Variants in PDE10A observed in about 807,000 individuals in gnomAD.
PDE10A encodes phosphodiesterase 10A, also known as cAMP and cAMP-inhibited cGMP 3',5'-cyclic phosphodiesterase 10A.
Under a neutral mutation model 97.7 loss-of-function variants are expected in PDE10A, and 39 were observed. The observed-to-expected ratio is 0.40, with a 90% confidence interval of 0.31 to 0.52. The LOEUF (loss-of-function observed/expected upper bound fraction) is 0.52, where lower values mean the gene tolerates loss of function less well. PDE10A is among the 20% of genes least tolerant of loss of function. PDE10A has a pLI of 0.56. For missense variants in PDE10A, 731 were observed against 1,047.8 expected (o/e 0.70, Z 4.17); for synonymous variants, 371 against 376.8 (o/e 0.98, Z 0.18).
chr6:165,877,913 G>A (rs1781387168), intron 1 of PDE10A, among the ~76,000 whole-genome samples: 1 of 152,174 alleles, frequency 6.6e-6, no homozygotes, highest in Non-Finnish European at 1.5e-5. Context: ...GAGAGACTAA[G>A]TAATTTTCCT....
intron 2 of PDE10A, among the ~76,000 whole-genome samples, chr6:165,501,397 T>C (rs967545272): frequency 8.6e-5 from 13 of 151,938 alleles, no homozygotes; most frequent in Non-Finnish European, 1.3e-4. Flanking sequence ...CCGTCTCTAC[T>C]AAAAATACAA....
At chr6:165,373,941 T>C (rs533508219) in intron 18 of PDE10A, among the ~76,000 whole-genome samples, 2 of 151,574 alleles carry the variant, frequency 1.3e-5, no homozygotes, top group Non-Finnish European at 2.9e-5. Context: ...GGGACATGGA[T>C]GAAATTGGAA....
chr6:165,579,539 A>G lies in PDE10A; in HGVS notation c.866-35971T>C, dbSNP rs565010731. 3.9e-5 allele frequency among the ~76,000 whole-genome samples: 6 copies of G among 152,274 alleles called. No individual in the cohort carries two copies. In the East Asian group the frequency reaches 1.2e-3, roughly 29 times the overall value. ...AAACTTCAAAATTCATCCAAAACCTAATCATGTTTCACCTTCCCAACAGTC... is the reference window on the plus strand; with the variant it reads ...AAACTTCAAAATTCATCCAAAACCTGATCATGTTTCACCTTCCCAACAGTC... On this transcript the variant is annotated intron_variant, in intron 1 of 21. Coordinates refer to ENST00000539869, the MANE Select transcript of PDE10A (RefSeq NM_001385079.1).
At chr6:165,587,461 C>T (rs1785984121) in intron 1 of PDE10A, among the ~76,000 whole-genome samples, 1 of 152,088 alleles carries the variant, frequency 6.6e-6, no homozygotes, top group Non-Finnish European at 1.5e-5. Context: ...GTTATTTTTG[C>T]TGTAAAATTT....
intron 1 of PDE10A, among the ~76,000 whole-genome samples, chr6:165,776,831 G>T (rs985018814): frequency 2.6e-5 from 4 of 152,198 alleles, no homozygotes; most frequent in Non-Finnish European, 2.9e-5. Context: ...TAGAGATGGT[G>T]CAACTGAGGC....
intron 3 of PDE10A, among the ~76,000 whole-genome samples, chr6:165,456,348 A>T (rs552146832): frequency 7.9e-5 from 12 of 152,324 alleles, no homozygotes; most frequent in Middle Eastern, 3.4e-3. Flanking sequence ...CATTCTCTGA[A>T]TTCTTCATTT....
intron 1 of PDE10A, among the ~76,000 whole-genome samples, chr6:165,876,686 C>A (rs922849787): frequency 6.6e-6 from 1 of 152,196 alleles, no homozygotes; most frequent in Non-Finnish European, 1.5e-5. Flanking sequence ...AAACCTGCAG[C>A]CTCCCAGTTC....
At position 165,662,748 on chromosome 6, in the gene PDE10A, C is replaced by G. The variant is rs899976455; in HGVS notation, c.64G>C (p.Glu22Gln). Among the ~76,000 whole-genome samples the G allele has an allele frequency of 1.4e-5, 2 of 147,712 alleles. No homozygotes were observed. Among genetic ancestry groups the G allele is most frequent in the East Asian group, 2.1e-4 (1 of 4,840 alleles). ...AGTTTGCCGGGGCCGCAGCCCGGCT[C>G]GTCCCCGGCCGCTGGCAGGGGACCC... The part of the protein sequence containing the change: ...PQGPLPAAGD[E>Q]PGCGPGKLRP... Residue 22 changes from glutamate (E) to glutamine (Q), a missense_variant, in exon 1 of 22, where the codon GAG (glutamate) becomes CAG (glutamine). Glu to Gln is a conservative substitution (Grantham distance 29, BLOSUM62 2). Transcript: ENST00000539869.
chr6:165,749,202 CCA>C (rs1792913296), intron 1 of PDE10A, among the ~76,000 whole-genome samples: 2 of 71,358 alleles, frequency 2.8e-5, no homozygotes, highest in African/African-American at 7.5e-5. Context: ...ATCACCATCA[CCA>C]TCATCACCAT....
chr6:165,433,182 G>T (rs1789723647), intron 6 of PDE10A, 53 bp from the exon 7 acceptor site: 2 of 1,352,910 alleles, frequency 1.5e-6, no homozygotes, highest in African/African-American at 2.9e-5. Flanking sequence ...ATCATTAAGT[G>T]ATGATTCTTA....
intron 1 of PDE10A, among the ~76,000 whole-genome samples, chr6:165,914,782 G>A (rs921206387): frequency 2.6e-5 from 4 of 152,240 alleles, no homozygotes; most frequent in African/African-American, 9.6e-5. Context: ...CACGGGCAAA[G>A]ATGTGTGGAA....
chr6:165,358,460 A>G (rs1207808477), intron 18 of PDE10A, among the ~76,000 whole-genome samples: 3 of 149,862 alleles, frequency 2.0e-5, no homozygotes, highest in Non-Finnish European at 4.4e-5. Flanking sequence ...ATATCTGGCA[A>G]TGTTTCCTAT....
At chr6:165,634,987 T>A (rs568607637) in intron 1 of PDE10A, among the ~76,000 whole-genome samples, 7 of 152,230 alleles carry the variant, frequency 4.6e-5, no homozygotes, top group Non-Finnish European at 1.0e-4. Flanking sequence ...CTATGTTGCC[T>A]GGGAAGTGGT....
chr6:165,714,837 C>T (rs1358329387), intron 1 of PDE10A, among the ~76,000 whole-genome samples: 4 of 152,382 alleles, frequency 2.6e-5, no homozygotes, highest in Non-Finnish European at 5.9e-5. Flanking sequence ...CAGTCCCAAC[C>T]CACAGCGACA....
chr6:165,975,336 T>G, intron 1 of PDE10A, among the ~76,000 whole-genome samples: 1 of 152,198 alleles, frequency 6.6e-6, no homozygotes, highest in East Asian at 1.9e-4. Flanking sequence ...CCAGGTGCAG[T>G]GGCTCATGCC....
At chr6:165,629,521 C>A (rs1034324410) in intron 1 of PDE10A, among the ~76,000 whole-genome samples, 1 of 131,674 alleles carries the variant, frequency 7.6e-6, no homozygotes, top group Admixed American at 7.9e-5. Context: ...TATTAACAAC[C>A]TTTTTTTTTT....
chr6:165,892,049 T>C (rs1781817006), intron 1 of PDE10A, among the ~76,000 whole-genome samples: 1 of 151,942 alleles, frequency 6.6e-6, no homozygotes, highest in Admixed American at 6.6e-5. Flanking sequence ...CCGGACATGA[T>C]CCAAGCATAA....
chr6:165,487,522 G>C (rs371979154), intron 2 of PDE10A, among the ~76,000 whole-genome samples: 1 of 151,908 alleles, frequency 6.6e-6, no homozygotes, highest in African/African-American at 2.4e-5. Flanking sequence ...CCACTCCTCC[G>C]ACCAGTCTGT....
intron 1 of PDE10A, among the ~76,000 whole-genome samples, chr6:165,839,945 T>TCTTATCTTCATC (rs1562762692): frequency 3.1e-5 from 1 of 32,030 alleles, no homozygotes; most frequent in East Asian, 9.7e-4. Flanking sequence ...TTATCTTCAT[T>TCTTATCTTCATC]TCCATCCCCA....
Sources: gnomAD v4.1 joint callset for allele counts (sites outside exome capture counted in the v4.1 genomes callset) on GRCh38, gnomAD v4.1.1 for gene constraint, MANE v1.5 for transcripts, NCBI Gene and HGNC (gene_info 2026-07-23, HGNC 2026-07-21) for gene names.